PDSS2: variants seen among roughly 807,000 people sequenced by gnomAD.
The protein encoded by PDSS2 is all trans-polyprenyl-diphosphate synthase PDSS2.
In PDSS2, 31 loss-of-function variants were observed where a neutral mutation model predicts 44.5. The ratio of observed to expected loss-of-function variants is 0.70; its 90% CI spans 0.52 to 0.94. PDSS2 has a LOEUF of 0.94. PDSS2 is among the 40% of genes least tolerant of loss of function. The pLI is 0.00. For missense variants in PDSS2, 452 were observed against 482.2 expected, an observed-to-expected ratio of 0.94 and a Z score of 0.59; for synonymous variants, 157 against 180.3, an observed-to-expected ratio of 0.87 and a Z score of 1.03.
chr6:107,436,159 T>C (rs746304148), intron 1 of PDSS2, among the ~76,000 whole-genome samples: 24 of 152,230 alleles, frequency 1.6e-4, no homozygotes, highest in Non-Finnish European at 2.4e-4. Flanking sequence ...AAACTCTTCG[T>C]CAAACCACAA....
intron 2 of PDSS2, among the ~76,000 whole-genome samples, chr6:107,283,448 C>T (rs147109933): frequency 3.3e-5 from 5 of 152,184 alleles, no homozygotes; most frequent in African/African-American, 9.6e-5. Context: ...TGTCTGGGCG[C>T]GGTGGCTCAC....
chr6:107,245,755 A>T, intron 3 of PDSS2, 136 bp from the exon 4 acceptor site: 1 of 542,092 alleles, frequency 1.8e-6, no homozygotes, highest in Non-Finnish European at 3.2e-6. Context: ...ATGCACCAAG[A>T]TCTCAGCAAA....
chr6:107,198,692 A>G (rs192845676), intron 6 of PDSS2, among the ~76,000 whole-genome samples: 421 of 152,274 alleles, frequency 2.8e-3, no homozygotes, highest in Non-Finnish European at 4.0e-3. Flanking sequence ...ACGGTGGCTC[A>G]TGCCGGTAAT....
intron 1 of PDSS2, among the ~76,000 whole-genome samples, chr6:107,412,460 G>C (rs1023593937): frequency 6.6e-6 from 1 of 151,624 alleles, no homozygotes; most frequent in African/African-American, 2.4e-5. Context: ...GGCTGGTCTT[G>C]AACTTTTGAC....
chr6:107,242,328 A>T (rs112637305), intron 4 of PDSS2, among the ~76,000 whole-genome samples: 1 of 151,944 alleles, frequency 6.6e-6, no homozygotes, highest in South Asian at 2.1e-4. Context: ...CAGTGGCGCG[A>T]TCTTGGCTCA....
chr6:107,383,559 A>G (rs1779518718), intron 1 of PDSS2, among the ~76,000 whole-genome samples: 1 of 152,130 alleles, frequency 6.6e-6, no homozygotes, highest in African/African-American at 2.4e-5. Context: ...TTTGCAAACC[A>G]TGCCTCTGAG....
At chr6:107,426,527 C>T (rs1239102459) in intron 1 of PDSS2, among the ~76,000 whole-genome samples, 2 of 152,158 alleles carry the variant, frequency 1.3e-5, no homozygotes, top group Admixed American at 1.3e-4. Flanking sequence ...GAGAAGAGGG[C>T]CACCATTCTC....
intron 1 of PDSS2, among the ~76,000 whole-genome samples, chr6:107,404,248 T>C (rs950046689): frequency 3.9e-5 from 6 of 152,174 alleles, no homozygotes; most frequent in African/African-American, 7.2e-5. Context: ...TTACTGTCCA[T>C]AGCACTATCA....
At chr6:107,200,588 C>T (rs990717208) in intron 6 of PDSS2, among the ~76,000 whole-genome samples, 5 of 152,168 alleles carry the variant, frequency 3.3e-5, no homozygotes, top group African/African-American at 7.2e-5. Flanking sequence ...CCATAAGTCT[C>T]GAGGAGAATG....
At chr6:107,179,156 A>G (rs1208266374) in intron 7 of PDSS2, among the ~76,000 whole-genome samples, 1 of 152,258 alleles carries the variant, frequency 6.6e-6, no homozygotes, top group Non-Finnish European at 1.5e-5. Flanking sequence ...AATTAAAGAT[A>G]CAGGTTAGCA....
chr6:107,421,061 G>A (rs9486615), intron 1 of PDSS2, among the ~76,000 whole-genome samples: 10,538 of 152,210 alleles, frequency 0.069, 434 homozygotes, highest in Non-Finnish European at 0.092. Flanking sequence ...TACCAATGAG[G>A]ATGTAAGTAT....
chr6:107,251,321 C>T (rs1447866626), intron 3 of PDSS2, among the ~76,000 whole-genome samples: 3 of 152,134 alleles, frequency 2.0e-5, no homozygotes, highest in Non-Finnish European at 4.4e-5. Context: ...ACTGTGAAGG[C>T]CATTACAGAT....
chr6:107,174,373 A>G (rs540823207), intron 7 of PDSS2, among the ~76,000 whole-genome samples: 1 of 152,358 alleles, frequency 6.6e-6, no homozygotes, highest in East Asian at 1.9e-4. Context: ...GAGTTGTCTA[A>G]CAACAGAATG....
At chr6:107,221,981 T>C (rs57515039) in intron 4 of PDSS2, among the ~76,000 whole-genome samples, 2,859 of 152,324 alleles carry the variant, frequency 0.019, 86 homozygotes, top group African/African-American at 0.065. Flanking sequence ...TAAAAAAGTA[T>C]GCAAATGTCG....
intron 1 of PDSS2, among the ~76,000 whole-genome samples, chr6:107,410,641 C>A (rs1780462905): frequency 6.6e-6 from 1 of 152,030 alleles, no homozygotes; most frequent in African/African-American, 2.4e-5. Flanking sequence ...GCACGTGCCA[C>A]CACGTCCATC....
intron 2 of PDSS2, among the ~76,000 whole-genome samples, chr6:107,287,154 G>A (rs1776182061): frequency 6.6e-6 from 1 of 152,202 alleles, no homozygotes; most frequent in African/African-American, 2.4e-5. Flanking sequence ...TTTGGTGAAG[G>A]TAGAAATTGG....
chr6:107,254,141 C>T (rs1484556506), intron 3 of PDSS2, among the ~76,000 whole-genome samples: 5 of 148,718 alleles, frequency 3.4e-5, no homozygotes, highest in Admixed American at 2.1e-4. Context: ...TCAAGTGATT[C>T]TCCTGCCTCA....
At chr6:107,219,381 A>C (rs916913639) in intron 4 of PDSS2, among the ~76,000 whole-genome samples, 4 of 151,986 alleles carry the variant, frequency 2.6e-5, no homozygotes, top group Non-Finnish European at 5.9e-5. Flanking sequence ...TCCGCCTCCC[A>C]GGTTCAAGCA....
At chr6:107,297,384 ATT>A (rs752620723) in intron 2 of PDSS2, among the ~76,000 whole-genome samples, 3 of 144,270 alleles carry the variant, frequency 2.1e-5, no homozygotes, top group Non-Finnish European at 1.5e-5. Context: ...GTGGGAGTGA[ATT>A]TTTTTTTTTT....
Sources: gnomAD v4.1 joint callset for allele counts (sites outside exome capture counted in the v4.1 genomes callset) on GRCh38, gnomAD v4.1.1 for gene constraint, MANE v1.5 for transcripts, NCBI Gene and HGNC (gene_info 2026-07-23, HGNC 2026-07-21) for gene names.